The following CACNA1F variants were observed in gnomAD, a reference collection of about 807,000 sequenced individuals.
CACNA1F encodes the protein calcium voltage-gated channel subunit alpha1 F.
Under a neutral mutation model 143.8 loss-of-function variants are expected in CACNA1F, and 59 were observed. That is an observed-to-expected ratio of 0.41 (90% CI 0.33 to 0.51). The LOEUF (loss-of-function observed/expected upper bound fraction) is 0.51. Ranked by LOEUF, CACNA1F falls within the 20% of genes least tolerant of loss-of-function variation. CACNA1F has a pLI of 0.22. For synonymous variants in CACNA1F, 643 were observed against 649.1 expected, an observed-to-expected ratio of 0.99 and a Z score of 0.14; for missense variants, 1,411 against 1,647.5, an observed-to-expected ratio of 0.86 and a Z score of 2.48.
chrX:49,227,635 T>G (rs782359668), intron 8 of CACNA1F, among the ~76,000 whole-genome samples: 15 of 112,519 alleles, frequency 1.3e-4, no homozygotes, highest in Non-Finnish European at 2.8e-4. Context: ...CTCTTTCACA[T>G]TTTTACTCAA....
intron 12 of CACNA1F, 71 bp from the exon 13 acceptor site, chrX:49,226,140 C>G: frequency 8.8e-7 from 1 of 1,132,978 alleles, no homozygotes; most frequent in Non-Finnish European, 1.2e-6. Flanking sequence ...GGTGGGGGAT[C>G]CAAAGGTCAT....
Position 49,226,497 on chromosome X carries a change from G to T in CACNA1F, c.1375C>A (p.Leu459Ile). 1.7e-6 allele frequency: 2 copies of T among 1,186,455 alleles called. No individual in the cohort carries two copies. Among genetic ancestry groups the T allele is most frequent in the Non-Finnish European group, 2.3e-6 (2 of 882,107 alleles). Residue 459 changes from leucine (L) to isoleucine (I), a missense_variant, in exon 11 of 48, where the codon CTC (leucine) becomes ATC (isoleucine). This residue lies in a region of CACNA1F where 950 missense variants were observed against 1,128.1 expected (regional missense o/e 0.84). Coordinates refer to ENST00000323022, the MANE Select transcript of CACNA1F (RefSeq NM_001256789.3). ...STHSTSSHAS[L>I]PASDTGSMTE... ...ATGGAACCGGTGTCACTGGCTGGGAGGCTGGCTGTAGGCAAGGTGGGGATA... is the reference window on the plus strand; with the variant it reads ...ATGGAACCGGTGTCACTGGCTGGGATGCTGGCTGTAGGCAAGGTGGGGATA...
In CACNA1F at chrX:49,206,637, G is replaced by A. The variant is rs1557104945; in HGVS notation, c.5360-14C>T. 2 of 1,201,005 alleles carry A rather than the reference G, an allele frequency of 1.7e-6. No individual in the cohort carries two copies. The highest frequency in any genetic ancestry group is 2.3e-6 in the Non-Finnish European group (2 of 887,142). On this transcript the variant is annotated splice_polypyrimidine_tract_variant and intron_variant, in intron 45 of 47. Coordinates refer to ENST00000323022, the MANE Select transcript of CACNA1F (RefSeq NM_001256789.3). ...AGGGCTTCCGACCTGGGGGTGGGTG[G>A]GGCACCAGGGGCAAATAGCAATGTC...
chrX:49,208,429 C>CCCCACCTCCT, intron 43 of CACNA1F, 86 bp downstream of exon 43: 1 of 597,036 alleles, frequency 1.7e-6, no homozygotes, highest in Non-Finnish European at 2.6e-6. Flanking sequence ...TCCCACCCCC[C>CCCCACCTCCT]TCAACTTCCT....
intron 6 of CACNA1F, among the ~76,000 whole-genome samples, chrX:49,229,276 C>G (rs1557110762): frequency 9.0e-6 from 1 of 110,964 alleles, no homozygotes; most frequent in East Asian, 2.8e-4. Context: ...CATGCCGCAG[C>G]CTCCCGAGTA....
intron 21 of CACNA1F, 82 bp downstream of exon 21, chrX:49,219,239 T>C: frequency 9.5e-7 from 1 of 1,057,677 alleles, no homozygotes; most frequent in Non-Finnish European, 1.3e-6. Flanking sequence ...CTTCTCCTTA[T>C]CTCCACCCTG....
In CACNA1F at chrX:49,209,169, G is replaced by A; in HGVS notation, c.4953+93C>T. ...TATTGCAGAGGGGGCTTCTCTGGGG[G>A]AGCTTCTTCCCAGAAGCAGTGTCAA... On this transcript the variant is annotated intron_variant, in intron 42 of 47. Coordinates refer to ENST00000323022, the MANE Select transcript of CACNA1F (RefSeq NM_001256789.3). The A allele has an allele frequency of 3.8e-6, 4 of 1,056,083 alleles. No homozygotes were observed. The South Asian group carries it at 7.6e-5, about 20-fold the overall frequency. The allele number at this position is 1,056,083 out of a possible 1,213,427, so 87.0% of individuals were successfully genotyped here. A position where few individuals can be genotyped will look rare whatever the true frequency, so the allele number is the denominator to read the frequency against.
In CACNA1F at chrX:49,227,041, C is replaced by A. The variant is rs782711560; in HGVS notation, c.1205G>T (p.Arg402Leu). Residue 402 changes from arginine to leucine, a missense_variant, in exon 9 of 48, where the codon CGG (arginine) becomes CTG (leucine). Physicochemically the swap from Arg to Leu is moderately radical, Grantham distance 102. Around this residue, in one of 3 missense-constraint regions of CACNA1F, gnomAD observed 950 missense variants for 1,128.1 expected, o/e 0.84. Coordinates refer to ENST00000323022, the MANE Select transcript of CACNA1F (RefSeq NM_001256789.3). ...TTGAGTGATCCAGTCCAGGTAGCCC[C>A]GCAGGTCTTCCTCCATCTGCTGCTT... The part of the protein sequence containing the change: ...REKQQMEEDL[R>L]GYLDWITQAE... 10 of 1,207,893 alleles carry A rather than the reference C, an allele frequency of 8.3e-6. No homozygotes were observed. The African/African-American group carries it at 1.2e-4, about 15-fold the overall frequency.
At chrX:49,206,686 T>C (rs2065600018) in intron 45 of CACNA1F, 42 bp downstream of exon 45, 1 of 1,205,349 alleles carries the variant, frequency 8.3e-7, no homozygotes, top group African/African-American at 1.7e-5. Flanking sequence ...ATCTCTGTCC[T>C]GCAGGCCCGT....
Position 49,210,957 on chromosome X carries a change from G to A in CACNA1F, c.4388+8C>T, listed in dbSNP as rs782519986. 1.7e-6 allele frequency: 2 copies of A among 1,203,295 alleles called. No individual in the cohort carries two copies. The highest frequency in any genetic ancestry group is 1.1e-6 in the Non-Finnish European group (1 of 890,564). ...CCTGGATTCTAGGTAAGGGTATAGA[G>A]GGCATACTTGGCCCCAGGGTCATAT... On this transcript the variant is annotated splice_region_variant and intron_variant, in intron 37 of 47. Coordinates refer to ENST00000323022, the MANE Select transcript of CACNA1F (RefSeq NM_001256789.3).
At position 49,226,598 on chromosome X, in the gene CACNA1F, C is replaced by A. The variant is rs1557110008; in HGVS notation, c.1369+12G>T. 8.5e-7 allele frequency: 1 copy of A among 1,173,054 alleles called. No individual in the cohort carries two copies. Among genetic ancestry groups the A allele is most frequent in the Non-Finnish European group, 1.1e-6 (1 of 875,277 alleles). ...CCTACCCACCCCCACCCCAGCCTGG[C>A]TGGACCCCCACCATGGCTGCTGGTG... On this transcript the variant is annotated intron_variant, in intron 10 of 47. Coordinates refer to ENST00000323022, the MANE Select transcript of CACNA1F (RefSeq NM_001256789.3).
chrX:49,212,358 A>G, intron 33 of CACNA1F, 50 bp from the exon 34 acceptor site: 1 of 984,742 alleles, frequency 1.0e-6, no homozygotes. Flanking sequence ...GGCTCAGGCA[A>G]AGAACTATAA....
chrX:49,206,529 T>A lies in CACNA1F; in HGVS notation c.5454A>T (p.Ser1818=). The stretch of plus-strand genomic sequence containing the variant: ...GCCTCACCTGAGCCCTATTGGGCCC[T>A]GAATTTCGCCCACGATGATAGGTGC... ...IPGTYHRGRN[S]GPNRAQGSWA... Residue 1818 remains serine (S), a synonymous_variant, in exon 46 of 48, where the codon TCA becomes TCT. Coordinates refer to ENST00000323022, the MANE Select transcript of CACNA1F (RefSeq NM_001256789.3). The A allele has an allele frequency of 8.3e-7, 1 of 1,204,516 alleles. No homozygotes were observed. Among genetic ancestry groups the A allele is most frequent in the Middle Eastern group, 2.3e-4 (1 of 4,322 alleles).
In CACNA1F at chrX:49,213,793, G is replaced by C. The variant is rs373737042; in HGVS notation, c.3792+26C>G. 1.1e-5 allele frequency: 12 copies of C among 1,065,738 alleles called. No homozygotes were observed. In the East Asian group the frequency reaches 3.0e-4, roughly 27 times the overall value. 87.8% of individuals were successfully genotyped at this position (1,065,738 alleles called of 1,213,427 possible). On this transcript the variant is annotated intron_variant, in intron 31 of 47. Coordinates refer to ENST00000323022, the MANE Select transcript of CACNA1F (RefSeq NM_001256789.3). ...GAGGGAAGGTGTATAGGGCGAGAGT[G>C]GATTAGTGGAAAGGCCAGTTCTCAC...
chrX:49,215,566 A>G, intron 27 of CACNA1F, 23 bp from the exon 28 acceptor site: 1 of 690,143 alleles, frequency 1.4e-6, no homozygotes, highest in Non-Finnish European at 2.2e-6. Context: ...GAGGGGGGGT[A>G]GAGGTGGGGG....
In CACNA1F at chrX:49,221,006, T is replaced by C. The variant is rs199863210; in HGVS notation, c.2334+29A>G. 26 of 1,141,798 alleles carry C rather than the reference T, an allele frequency of 2.3e-5. No homozygotes were observed. The South Asian group carries it at 4.5e-4, about 20-fold the overall frequency. 94.1% of individuals were successfully genotyped at this position (1,141,798 alleles called of 1,213,427 possible). On this transcript the variant is annotated intron_variant, in intron 18 of 47. Coordinates refer to ENST00000323022, the MANE Select transcript of CACNA1F (RefSeq NM_001256789.3). ...GACAGGTAGTGGTGGGAGTGGGAGG[T>C]GTAGACAGTGCCCAGGCATCTAACT...
At chrX:49,209,524 A>G in intron 41 of CACNA1F, 105 bp downstream of exon 41, 1 of 1,144,308 alleles carries the variant, frequency 8.7e-7, no homozygotes. Context: ...CTGGGGCCTC[A>G]GTTTCCTTAT....
Position 49,209,717 on chromosome X carries a change from A to G in CACNA1F, c.4733T>C (p.Ile1578Thr). ...TVGKFYATFLIQDYFRKFRRR... is the reference protein window; with the variant it reads ...TVGKFYATFLTQDYFRKFRRR... ...CCGGAATTTGCGGAAATAGTCCTGG[A>G]TCAGAAATGTGGCGTAGAATTTGCC... is the stretch of plus-strand genomic sequence containing the variant. The change falls in exon 41 of 48, where the codon ATC (isoleucine) becomes ACC (threonine). Residue 1578 changes from isoleucine (I) to threonine (T), a missense_variant. Around this residue, in one of 3 missense-constraint regions of CACNA1F, gnomAD observed 349 missense variants for 350.2 expected, o/e 1.00. Coordinates refer to ENST00000323022, the MANE Select transcript of CACNA1F (RefSeq NM_001256789.3). 8.3e-7 allele frequency: 1 copy of G among 1,211,193 alleles called. No homozygotes were observed. Among genetic ancestry groups the G allele is most frequent in the Non-Finnish European group, 1.1e-6 (1 of 895,226 alleles).
At chrX:49,232,071 G>A in intron 1 of CACNA1F, 144 bp from the exon 2 acceptor site, 1 of 562,516 alleles carries the variant, frequency 1.8e-6, no homozygotes, top group Non-Finnish European at 2.8e-6. Flanking sequence ...GTTAAGGACT[G>A]GGAAGTAAGA....
Sources: allele counts gnomAD v4.1 joint callset (sites outside exome capture counted in the v4.1 genomes callset), GRCh38; gene constraint gnomAD v4.1.1; regional missense constraint gnomAD v4.1.1; transcripts MANE v1.5; gene names NCBI Gene and HGNC (gene_info 2026-07-23, HGNC 2026-07-21).